NDUFAF6: variants seen among roughly 807,000 people sequenced by gnomAD.
The protein encoded by NDUFAF6 is NADH:ubiquinone oxidoreductase complex assembly factor 6.
NDUFAF6 carries 45 observed loss-of-function variants against 40.8 expected under a neutral mutation model. That is an observed-to-expected ratio of 1.10 (90% confidence interval 0.87 to 1.42). The LOEUF (loss-of-function observed/expected upper bound fraction) is 1.42, where lower values mean the gene tolerates loss of function less well. NDUFAF6 is among the 40% of genes most tolerant of loss of function. The pLI is 0.00. For synonymous variants in NDUFAF6, 185 were observed against 155.9 expected (o/e 1.19, Z -1.39); for missense variants, 435 against 418.5 (o/e 1.04, Z -0.34).
chr8:95,088,759 TTTATTTTATTA>T (rs1457947433), intron 2 of NDUFAF6, among the ~76,000 whole-genome samples: 1 of 150,530 alleles, frequency 6.6e-6, no homozygotes, highest in African/African-American at 2.5e-5. Context: ...TTTATTTTAT[TTTATTTTATTA>T]TTTTTTTTGA....
chr8:95,091,746 C>T (rs1054434600), intron 2 of NDUFAF6, among the ~76,000 whole-genome samples: 1 of 150,006 alleles, frequency 6.7e-6, no homozygotes, highest in Admixed American at 6.7e-5. Context: ...TTCAAGCGAT[C>T]CCCCCCAGCT....
chr8:94,991,612 A>G (rs1826194816), intron 2 of NDUFAF6, among the ~76,000 whole-genome samples: 1 of 152,110 alleles, frequency 6.6e-6, no homozygotes, highest in East Asian at 1.9e-4. Context: ...TTTTCTCTAG[A>G]TAATTTTGTT....
At chr8:94,923,079 C>T (rs1258578153) in intron 1 of NDUFAF6, among the ~76,000 whole-genome samples, 2 of 151,980 alleles carry the variant, frequency 1.3e-5, no homozygotes, top group African/African-American at 2.4e-5. Flanking sequence ...GAAAGAGAAA[C>T]GATTGAAAGT....
chr8:95,115,058 TAAAAAAA>T (rs56365274), intron 4 of NDUFAF6, among the ~76,000 whole-genome samples: 1 of 148,854 alleles, frequency 6.7e-6, no homozygotes, highest in Non-Finnish European at 1.5e-5. Flanking sequence ...CGAGACTGTT[TAAAAAAA>T]AAAAAAAAAA....
chr8:95,038,861 AG>A (rs1829814083), intron 3 of NDUFAF6, among the ~76,000 whole-genome samples: 1 of 151,408 alleles, frequency 6.6e-6, no homozygotes, highest in Non-Finnish European at 1.5e-5. Context: ...TATTTTTAGT[AG>A]AGACGGGGTT....
intron 2 of NDUFAF6, among the ~76,000 whole-genome samples, chr8:94,989,852 G>A (rs1826117542): frequency 6.6e-6 from 1 of 152,070 alleles, no homozygotes. Context: ...TCAGCCTCCT[G>A]AGTAGCTGGG....
chr8:94,923,680 ACT>A (rs1491227142), intron 1 of NDUFAF6, among the ~76,000 whole-genome samples: 11 of 144,784 alleles, frequency 7.6e-5, no homozygotes, highest in Non-Finnish European at 1.5e-4. Flanking sequence ...TCTGAATTTT[ACT>A]TTTTTTTTTT....
At chr8:95,064,869 T>C (rs1832665072) in intron 9 of NDUFAF6, among the ~76,000 whole-genome samples, 1 of 152,210 alleles carries the variant, frequency 6.6e-6, no homozygotes. Context: ...CTGGGTTTCC[T>C]CAGTCTACGA....
At chr8:94,980,116 C>CA (rs941830218) in intron 1 of NDUFAF6, among the ~76,000 whole-genome samples, 16 of 149,564 alleles carry the variant, frequency 1.1e-4, no homozygotes, top group African/African-American at 3.2e-4. Context: ...AAAAAAACAA[C>CA]AAAAAAAACC....
chr8:95,095,889 T>C (rs1809446257), upstream of NDUFAF6, among the ~76,000 whole-genome samples: 1 of 152,156 alleles, frequency 6.6e-6, no homozygotes, highest in African/African-American at 2.4e-5. Flanking sequence ...AGTCTCGAAC[T>C]CCTGGCCTCA....
chr8:94,939,366 T>C (rs1821295411), intron 1 of NDUFAF6, among the ~76,000 whole-genome samples: 1 of 152,208 alleles, frequency 6.6e-6, no homozygotes, highest in South Asian at 2.1e-4. Flanking sequence ...GGGGCCATGC[T>C]ACATCTAACT....
intron 1 of NDUFAF6, chr8:94,932,181 CG>C: frequency 3.3e-6 from 5 of 1,504,460 alleles, no homozygotes; most frequent in South Asian, 2.4e-5. Flanking sequence ...ACTATTAGGA[CG>C]TGGTCAACTT....
At chr8:94,919,764 G>A (rs1819375644) in intron 1 of NDUFAF6, among the ~76,000 whole-genome samples, 2 of 152,178 alleles carry the variant, frequency 1.3e-5, no homozygotes, top group Non-Finnish European at 2.9e-5. Context: ...GGAGAGCCCT[G>A]ATGTTCTCAA....
chr8:94,976,536 C>T (rs898890002), intron 1 of NDUFAF6, among the ~76,000 whole-genome samples: 15 of 138,978 alleles, frequency 1.1e-4, no homozygotes, highest in African/African-American at 2.7e-4. Context: ...TAGCTGGGTG[C>T]GGTGGTAGGT....
intron 7 of NDUFAF6, among the ~76,000 whole-genome samples, chr8:95,050,567 T>G (rs756111923): frequency 1.5e-4 from 23 of 152,236 alleles, no homozygotes; most frequent in Non-Finnish European, 2.5e-4. Context: ...TTTGGATAAA[T>G]GAGTTAACAT....
intron 1 of NDUFAF6, chr8:95,101,033 A>T (rs1809632593): frequency 6.6e-6 from 1 of 152,206 alleles, no homozygotes; most frequent in Non-Finnish European, 1.5e-5. Flanking sequence ...TCTCAAGGTA[A>T]ATATGCTTGA....
At position 95,056,316 on chromosome 8, in the gene NDUFAF6, T is replaced by A. The variant is rs144702242; in HGVS notation, c.874-1493T>A. Among the ~76,000 whole-genome samples the A allele has an allele frequency of 3.0e-3, 452 of 151,504 alleles. 1 individual carries two copies. The highest frequency in any genetic ancestry group is 9.9e-3 in the African/African-American group (409 of 41,298). On this transcript the variant is annotated intron_variant, in intron 8 of 8. Coordinates refer to ENST00000396124, the MANE Select transcript of NDUFAF6 (RefSeq NM_152416.4). ...GCCTTGACCTCCCAGGCTCAAGACA[T>A]CCTCCCACCTCAGCCTCCCAAGTAG... is the stretch of plus-strand genomic sequence containing the variant.
chr8:94,912,358 A>G (rs1385406784), intron 1 of NDUFAF6, among the ~76,000 whole-genome samples: 1 of 152,216 alleles, frequency 6.6e-6, no homozygotes, highest in Admixed American at 6.5e-5. Context: ...AGATTTTTTG[A>G]AAGGAAATAT....
exon 10 of NDUFAF6, chr8:95,075,761 G>A: frequency 8.1e-7 from 1 of 1,239,472 alleles, no homozygotes; most frequent in South Asian, 1.3e-5. Context: ...AGGTACTTGA[G>A]CTTGGAAACC....
Sources: allele counts gnomAD v4.1 joint callset (sites outside exome capture counted in the v4.1 genomes callset), GRCh38; gene constraint gnomAD v4.1.1; transcripts MANE v1.5; gene names NCBI Gene and HGNC (gene_info 2026-07-23, HGNC 2026-07-21).